The following HEPH variants were observed in gnomAD, a reference collection of about 807,000 sequenced individuals.
HEPH encodes the protein hephaestin.
A neutral mutation model predicts 80.8 loss-of-function variants in HEPH; 69 were observed. The ratio of observed to expected loss-of-function variants is 0.85; its 90% CI spans 0.70 to 1.04. The LOEUF is 1.04. Ranked by LOEUF, HEPH falls within the 50% of genes least tolerant of loss-of-function variation. HEPH has a pLI of 0.00. For synonymous variants in HEPH, 431 were observed against 322.8 expected (o/e 1.34, Z -3.60); for missense variants, 1,115 against 891.3 (o/e 1.25, Z -3.20).
At chrX:66,248,144 C>A (rs1333534410) in intron 15 of HEPH, among the ~76,000 whole-genome samples, 1 of 111,516 alleles carries the variant, frequency 9.0e-6, no homozygotes, top group Non-Finnish European at 1.9e-5. Flanking sequence ...TTATCAGTCT[C>A]TCCCTCTTTG....
intron 17 of HEPH, among the ~76,000 whole-genome samples, chrX:66,257,107 C>T (rs2091206441): frequency 8.9e-6 from 1 of 111,917 alleles, no homozygotes; most frequent in African/African-American, 3.2e-5. Flanking sequence ...TATTATTATC[C>T]CACAGATTTT....
At position 66,260,254 on chromosome X, in the gene HEPH, C is replaced by G. The variant is rs769026207; in HGVS notation, c.3191C>G (p.Ser1064Cys). 5.8e-6 allele frequency: 7 copies of G among 1,202,622 alleles called. No homozygotes were observed. Among genetic ancestry groups the G allele is most frequent in the Non-Finnish European group, 1.1e-6 (1 of 889,750 alleles). ...ATGGAGACCCTCTTCACTGTTTTTT[C>G]TCGAACAGGTAAGTCCTAACTTCCC... is the stretch of plus-strand genomic sequence containing the variant. ...AGMETLFTVF[S>C]RTEHLSPLTV... Residue 1064 changes from serine to cysteine, a missense_variant, in exon 19 of 21, where the codon TCT becomes TGT. By Grantham distance (112) the Ser-to-Cys change is moderately radical. Around this residue, in one of 3 missense-constraint regions of HEPH, gnomAD observed 716 missense variants for 523.5 expected, o/e 1.37. Transcript: ENST00000343002.
upstream of HEPH, among the ~76,000 whole-genome samples, chrX:66,163,656 G>C (rs142647487): frequency 4.9e-3 from 550 of 111,178 alleles, 2 homozygotes; most frequent in African/African-American, 0.016. Flanking sequence ...AGCACATTGT[G>C]TGTGGTGGTT....
chrX:66,265,665 G>A (rs1394308078), intron 20 of HEPH, among the ~76,000 whole-genome samples: 3 of 111,443 alleles, frequency 2.7e-5, no homozygotes, highest in Non-Finnish European at 1.9e-5. Flanking sequence ...TTTAAGGTAG[G>A]GCTAGAAAGA....
chrX:66,207,799 C>T (rs1043133797), intron 14 of HEPH, among the ~76,000 whole-genome samples: 17 of 111,638 alleles, frequency 1.5e-4, no homozygotes, highest in Non-Finnish European at 2.6e-4. Context: ...CACTCTTTAT[C>T]GTCAATGATT....
intron 15 of HEPH, among the ~76,000 whole-genome samples, chrX:66,214,473 T>A (rs1236224688): frequency 8.9e-6 from 1 of 111,734 alleles, no homozygotes; most frequent in Non-Finnish European, 1.9e-5. Flanking sequence ...GTTTGTGATA[T>A]CATTTGTTGA....
At chrX:66,205,537 A>G (rs753603931) in intron 13 of HEPH, among the ~76,000 whole-genome samples, 5 of 111,392 alleles carry the variant, frequency 4.5e-5, no homozygotes, top group South Asian at 3.9e-4. Flanking sequence ...TGCTATTGTG[A>G]ATAGTGCTGT....
At chrX:66,173,863 T>C in intron 4 of HEPH, 62 bp downstream of exon 4, 1 of 832,740 alleles carries the variant, frequency 1.2e-6, no homozygotes, top group Non-Finnish European at 1.7e-6. Context: ...AGCAGTGATA[T>C]GGTTGAACCA....
chrX:66,190,146 CTCTGTGTTTAA>C (rs1727658420), intron 6 of HEPH, among the ~76,000 whole-genome samples: 1 of 107,775 alleles, frequency 9.3e-6, no homozygotes, highest in African/African-American at 3.4e-5. Flanking sequence ...GGGCACATCT[CTCTGTGTTTAA>C]TCTTCCCCAT....
chrX:66,199,360 T>TCCC (rs372019776), intron 11 of HEPH, among the ~76,000 whole-genome samples: 10 of 93,935 alleles, frequency 1.1e-4, no homozygotes, highest in African/African-American at 3.6e-4. Flanking sequence ...GTACCTTGGG[T>TCCC]CCCCCCCCCC....
intron 7 of HEPH, 62 bp from the exon 8 acceptor site, chrX:66,193,440 T>G: frequency 1.3e-6 from 1 of 779,438 alleles, no homozygotes; most frequent in Admixed American, 3.1e-5. Context: ...AGACTAAGGG[T>G]GAGATGGGAG....
rs1347348590 is a variant in HEPH at position 66,197,698 on chromosome X, G to T, written c.1517G>T (p.Gly506Val). The T allele has an allele frequency of 8.3e-7, 1 of 1,208,944 alleles. No homozygotes were observed. Among genetic ancestry groups the T allele is most frequent in the African/African-American group, 1.8e-5 (1 of 57,111 alleles). Reference sequence around the variant, plus strand: ...TTCACTACAGGCTCATCTTACCCTGGCTTGGTTGCCAAGCCCTTTGAGAAA... The same window carrying T: ...TTCACTACAGGCTCATCTTACCCTGTCTTGGTTGCCAAGCCCTTTGAGAAA... ...TVYNDGSSYP[G>V]LVAKPFEKVT... The change falls in exon 10 of 21, where the codon GGC becomes GTC. Residue 506 changes from glycine (G) to valine (V), a missense_variant. By Grantham distance (109) the Gly-to-Val change is moderately radical (BLOSUM62 -3). Transcript: ENST00000343002.
At chrX:66,246,312 C>G (rs953225736) in intron 15 of HEPH, among the ~76,000 whole-genome samples, 1 of 111,813 alleles carries the variant, frequency 8.9e-6, no homozygotes, top group African/African-American at 3.3e-5. Flanking sequence ...TTTCTGCCAT[C>G]TGGGTGCTTT....
At chrX:66,188,265 C>T in intron 4 of HEPH, 94 bp from the exon 5 acceptor site, 1 of 610,350 alleles carries the variant, frequency 1.6e-6, no homozygotes, top group African/African-American at 2.3e-5. Flanking sequence ...TCTTAAGACC[C>T]CTCTCTTTCT....
intron 11 of HEPH, 62 bp downstream of exon 11, chrX:66,199,090 C>G (rs1322196121): frequency 9.3e-7 from 1 of 1,075,944 alleles, no homozygotes; most frequent in East Asian, 3.0e-5. Flanking sequence ...TAACTTTAAC[C>G]GTAATCATGA....
intron 15 of HEPH, among the ~76,000 whole-genome samples, chrX:66,232,749 A>G (rs1357745945): frequency 5.4e-5 from 6 of 111,455 alleles, no homozygotes; most frequent in African/African-American, 2.0e-4. Context: ...AAATACATAA[A>G]TAGCACCAAA....
intron 4 of HEPH, among the ~76,000 whole-genome samples, chrX:66,175,993 A>G (rs2086788048): frequency 9.0e-6 from 1 of 111,450 alleles, no homozygotes; most frequent in African/African-American, 3.3e-5. Context: ...TTACATATTT[A>G]GAGGCCCTTT....
At chrX:66,218,726 G>A (rs1430072171) in intron 15 of HEPH, among the ~76,000 whole-genome samples, 1 of 110,999 alleles carries the variant, frequency 9.0e-6, no homozygotes, top group South Asian at 3.9e-4. Context: ...TGAGAGGGTC[G>A]TGATCGATTG....
chrX:66,231,847 T>C (rs1332600909), intron 15 of HEPH, among the ~76,000 whole-genome samples: 1 of 108,141 alleles, frequency 9.2e-6, no homozygotes, highest in African/African-American at 3.5e-5. Flanking sequence ...GGCATCCCTG[T>C]CTTGTGCCAG....
Sources: allele counts gnomAD v4.1 joint callset (sites outside exome capture counted in the v4.1 genomes callset), GRCh38; gene constraint gnomAD v4.1.1; regional missense constraint gnomAD v4.1.1; transcripts MANE v1.5; gene names NCBI Gene and HGNC (gene_info 2026-07-23, HGNC 2026-07-21).